HAAO: variants seen among roughly 807,000 people sequenced by gnomAD.
HAAO encodes 3-hydroxyanthranilate 3,4-dioxygenase.
HAAO carries 49 observed loss-of-function variants against 46.2 expected under a neutral mutation model. That is an observed-to-expected ratio of 1.06 (90% CI 0.84 to 1.34). The LOEUF (loss-of-function observed/expected upper bound fraction) is 1.34, where lower values mean the gene tolerates loss of function less well. Ranked by LOEUF, HAAO falls within the 40% of genes most tolerant of loss-of-function variation. HAAO has a pLI of 0.00. For synonymous variants in HAAO, 157 were observed against 145.2 expected (o/e 1.08, Z -0.58); for missense variants, 408 against 364.5 (o/e 1.12, Z -0.97).
At position 42,767,427 on chromosome 2, in the gene HAAO, G is replaced by A; in HGVS notation, c.*10C>T. ...CACACCTGTGGCTGCTTCAGGCCAT[G>A]GCAAGAGGGTCACCCCAGGGGCTTC... On this transcript the variant is annotated 3_prime_UTR_variant, in exon 10 of 10. Coordinates refer to ENST00000294973, the MANE Select transcript of HAAO (RefSeq NM_012205.3). 1 of 1,604,314 alleles carries A rather than the reference G, an allele frequency of 6.2e-7. No homozygotes were observed. The highest frequency in any genetic ancestry group is 8.5e-7 in the Non-Finnish European group (1 of 1,172,736).
chr2:42,786,162 C>T (rs957021233), intron 2 of HAAO, among the ~76,000 whole-genome samples: 1 of 151,924 alleles, frequency 6.6e-6, no homozygotes, highest in Non-Finnish European at 1.5e-5. Context: ...CAGATTTAAA[C>T]CCTTACTGCC....
chr2:42,785,869 A>G (rs1672344756), intron 2 of HAAO, among the ~76,000 whole-genome samples: 1 of 152,170 alleles, frequency 6.6e-6, no homozygotes, highest in African/African-American at 2.4e-5. Flanking sequence ...TCTCTAAAAA[A>G]CAAAAACAAA....
At chr2:42,780,712 A>G (rs1558669083) in intron 4 of HAAO, among the ~76,000 whole-genome samples, 1 of 151,888 alleles carries the variant, frequency 6.6e-6, no homozygotes. Flanking sequence ...CCTTTGTTTT[A>G]TTTTGTTTTT....
chr2:42,788,669 G>T lies in HAAO; in HGVS notation c.81-62C>A, dbSNP rs1358497443. Reference sequence around the variant, plus strand: ...TCTCCTAGGAGTGAAGAGAGCACGGGTCCCGTGGGGGCCAGGAGGGAGCCT... The same window carrying T: ...TCTCCTAGGAGTGAAGAGAGCACGGTTCCCGTGGGGGCCAGGAGGGAGCCT... On this transcript the variant is annotated intron_variant, in intron 1 of 9. Transcript: ENST00000294973. 7 of 1,085,158 alleles carry T rather than the reference G, an allele frequency of 6.5e-6. No homozygotes were observed. In the African/African-American group the frequency reaches 1.1e-4, roughly 17 times the overall value. 67.2% of individuals were successfully genotyped at this position (1,085,158 alleles called of 1,614,324 possible).
At chr2:42,783,678 A>G in intron 3 of HAAO, 106 bp downstream of exon 3, 1 of 967,604 alleles carries the variant, frequency 1.0e-6, no homozygotes, top group African/African-American at 1.6e-5. Flanking sequence ...GAGAGCAGGA[A>G]AAGGTAGGGA....
At chr2:42,770,361 C>G in intron 5 of HAAO, 132 bp downstream of exon 5, 2 of 891,190 alleles carry the variant, frequency 2.2e-6, no homozygotes, top group South Asian at 3.3e-5. Flanking sequence ...CTGCTCCCCC[C>G]TCCCCCCGGC....
chr2:42,767,700 T>G, intron 8 of HAAO, 23 bp from the exon 9 acceptor site: 1 of 1,567,710 alleles, frequency 6.4e-7, no homozygotes, highest in Non-Finnish European at 8.7e-7. Context: ...AGCAGGAGAA[T>G]CAAATGGAGA....
intron 2 of HAAO, among the ~76,000 whole-genome samples, chr2:42,788,287 A>G (rs1474663937): frequency 6.6e-6 from 1 of 152,192 alleles, no homozygotes; most frequent in Non-Finnish European, 1.5e-5. Flanking sequence ...CCCGCAGGGC[A>G]TGGGTTGTTT....
Position 42,770,204 on chromosome 2 carries a change from G to T in HAAO, c.441-18C>A, listed in dbSNP as rs1033095279. Reference sequence around the variant, plus strand: ...TGAAGAACCTGCAAGGACGAACAGGGAGGAGCAGGAGTGGCGAGCACTCCC... The same window carrying T: ...TGAAGAACCTGCAAGGACGAACAGGTAGGAGCAGGAGTGGCGAGCACTCCC... On this transcript the variant is annotated intron_variant, in intron 5 of 9. Coordinates refer to ENST00000294973, the MANE Select transcript of HAAO (RefSeq NM_012205.3). 2 of 1,589,256 alleles carry T rather than the reference G, an allele frequency of 1.3e-6. No homozygotes were observed. Among genetic ancestry groups the T allele is most frequent in the African/African-American group, 2.7e-5 (2 of 74,160 alleles).
chr2:42,767,561 A>C, intron 9 of HAAO, 34 bp downstream of exon 9: 1 of 1,585,668 alleles, frequency 6.3e-7, no homozygotes. Context: ...TTGGACCCTG[A>C]GGATCCCAGG....
chr2:42,772,859 G>A (rs1671240550), intron 4 of HAAO, among the ~76,000 whole-genome samples: 1 of 141,690 alleles, frequency 7.1e-6, no homozygotes, highest in Non-Finnish European at 1.5e-5. Context: ...ATTTTTTTTA[G>A]TTAAAAAATA....
chr2:42,783,818 C>T lies in HAAO; in HGVS notation c.209G>A (p.Gly70Glu). ...CCGAATGACCACATCCCGGTGTTTC[C>T]CTTGCTCCAGGACTCGGAGAACCAT... ...GDMVLRVLEQGKHRDVVIRQG... is the reference protein window; with the variant it reads ...GDMVLRVLEQEKHRDVVIRQG... Residue 70 changes from glycine to glutamate, a missense_variant, in exon 3 of 10, where the codon GGG becomes GAG. Gly to Glu is a moderately conservative substitution (Grantham distance 98). Coordinates refer to ENST00000294973, the MANE Select transcript of HAAO (RefSeq NM_012205.3). 6.2e-7 allele frequency: 1 copy of T among 1,612,956 alleles called. No individual in the cohort carries two copies. The highest frequency in any genetic ancestry group is 1.3e-5 in the African/African-American group (1 of 75,024).
intron 4 of HAAO, among the ~76,000 whole-genome samples, chr2:42,779,758 A>G (rs1473718548): frequency 6.6e-6 from 1 of 152,232 alleles, no homozygotes; most frequent in East Asian, 1.9e-4. Flanking sequence ...CAAGAGTTTT[A>G]AACCTTTGAT....
chr2:42,767,736 A>G (rs1670773362), intron 8 of HAAO, 59 bp from the exon 9 acceptor site: 1 of 1,546,048 alleles, frequency 6.5e-7, no homozygotes, highest in Non-Finnish European at 8.9e-7. Flanking sequence ...ACCTGGGTGA[A>G]TGTCTGAGTC....
chr2:42,775,585 G>A (rs1340028650), intron 4 of HAAO, among the ~76,000 whole-genome samples: 1 of 151,856 alleles, frequency 6.6e-6, no homozygotes, highest in African/African-American at 2.4e-5. Context: ...TTTTCTCCTA[G>A]GACCTTGTCT....
intron 7 of HAAO, among the ~76,000 whole-genome samples, chr2:42,769,083 T>A (rs1160320187): frequency 6.6e-6 from 1 of 152,134 alleles, no homozygotes; most frequent in African/African-American, 2.4e-5. Flanking sequence ...TCAGAGTGGG[T>A]TCCTCCTTTA....
In HAAO at chr2:42,767,681, G is replaced by A. The variant is rs755975939; in HGVS notation, c.700-4C>T. 1 of 1,568,892 alleles carries A rather than the reference G, an allele frequency of 6.4e-7. No homozygotes were observed. Among genetic ancestry groups the A allele is most frequent in the Non-Finnish European group, 8.7e-7 (1 of 1,155,494 alleles). ...TTGTCACCACCGAGGAGCCCTCCTG[G>A]AGAAGAGGAGCAGGAGAATCAAATG... is the stretch of plus-strand genomic sequence containing the variant. On this transcript the variant is annotated splice_polypyrimidine_tract_variant and splice_region_variant and intron_variant, in intron 8 of 9. Coordinates refer to ENST00000294973, the MANE Select transcript of HAAO (RefSeq NM_012205.3).
chr2:42,774,971 G>A (rs967668587), intron 4 of HAAO, among the ~76,000 whole-genome samples: 4 of 152,008 alleles, frequency 2.6e-5, no homozygotes, highest in Non-Finnish European at 5.9e-5. Context: ...GAAAAGGGCC[G>A]GGCACAGTGG....
intron 8 of HAAO, 80 bp downstream of exon 8, chr2:42,767,780 G>A (rs2374441): frequency 1.1e-4 from 171 of 1,546,824 alleles, no homozygotes; most frequent in African/African-American, 9.8e-4. Context: ...AGTGGGCCCC[G>A]TGTGGGAGCC....
Sources: gnomAD v4.1 joint callset for allele counts (sites outside exome capture counted in the v4.1 genomes callset) on GRCh38, gnomAD v4.1.1 for gene constraint, MANE v1.5 for transcripts, NCBI Gene and HGNC (gene_info 2026-07-23, HGNC 2026-07-21) for gene names.